Variants in STOX1 observed in about 807,000 individuals in gnomAD.
STOX1 encodes storkhead-box protein 1.
In STOX1, 57 loss-of-function variants were observed where a neutral mutation model predicts 74.8. That is an observed-to-expected ratio of 0.76 (90% confidence interval 0.62 to 0.95). The LOEUF (loss-of-function observed/expected upper bound fraction) is 0.95, where lower values mean the gene tolerates loss of function less well. Among genes scored for constraint, STOX1 ranks in the 40% least tolerant of loss-of-function variants. The pLI, the probability that STOX1 is intolerant of heterozygous loss-of-function variation, is 0.00. For synonymous variants in STOX1, 375 were observed against 401.3 expected, an observed-to-expected ratio of 0.93 and a Z score of 0.78; for missense variants, 1,010 against 1,117.0, an observed-to-expected ratio of 0.90 and a Z score of 1.37.
intron 1 of STOX1, among the ~76,000 whole-genome samples, chr10:68,872,342 CTTTTTTTTTTTTTTTT>C (rs72451894): frequency 1.1e-5 from 1 of 89,326 alleles, no homozygotes; most frequent in East Asian, 3.5e-4. Flanking sequence ...TTTTTCTTTT[CTTTTTTTTTTTTTTTT>C]TTTTGAGACA....
At chr10:68,865,122 A>T (rs377740505) in intron 1 of STOX1, among the ~76,000 whole-genome samples, 114 of 146,066 alleles carry the variant, frequency 7.8e-4, no homozygotes, top group African/African-American at 2.7e-3. Context: ...TATCATCCAT[A>T]TAATGAATAA....
At position 68,873,657 on chromosome 10, in the gene STOX1, T is replaced by TC. The variant is rs1479662730; in HGVS notation, c.311-8301_311-8300insC. On this transcript the variant is annotated intron_variant, in intron 1 of 3. Transcript: ENST00000298596. ...CTTCTTCTTCTTTTTTTTTCTTTTT[T>TC]TTTTTTTTCTTTTTTTTGAGACGGA... Among the ~76,000 whole-genome samples, 37 of 137,384 alleles carry TC rather than the reference T, an allele frequency of 2.7e-4. 1 individual carries two copies. Among genetic ancestry groups the TC allele is most frequent in the Non-Finnish European group, 7.8e-5 (5 of 63,796 alleles). The allele number at this position is 137,384 out of a possible 152,430, so 90.1% of individuals were successfully genotyped here.
chr10:68,862,814 A>T (rs192645406), intron 1 of STOX1, among the ~76,000 whole-genome samples: 4 of 152,234 alleles, frequency 2.6e-5, no homozygotes, highest in African/African-American at 9.6e-5. Context: ...ATCGTTGTGC[A>T]GCACCTCTGC....
intron 1 of STOX1, among the ~76,000 whole-genome samples, chr10:68,858,623 A>G (rs531091987): frequency 6.6e-6 from 1 of 152,124 alleles, no homozygotes; most frequent in Non-Finnish European, 1.5e-5. Context: ...GACCTGAAAG[A>G]CACTATTAAT....
chr10:68,873,887 G>C (rs1279203434), intron 1 of STOX1, among the ~76,000 whole-genome samples: 1 of 150,542 alleles, frequency 6.6e-6, no homozygotes, highest in Non-Finnish European at 1.5e-5. Context: ...CTGACCTCGT[G>C]ATCCACCCGC....
chr10:68,883,099 C>T (rs1468207967), intron 2 of STOX1, among the ~76,000 whole-genome samples: 5 of 151,256 alleles, frequency 3.3e-5, no homozygotes, highest in Non-Finnish European at 5.9e-5. Context: ...GCATCTGGGC[C>T]GGGTGTGGTG....
chr10:68,828,273 A>T, intron 1 of STOX1: 10 of 1,122,918 alleles, frequency 8.9e-6, no homozygotes, highest in Middle Eastern at 3.7e-4. Flanking sequence ...GCGGTGGGTG[A>T]GTGCGGGACC....
At chr10:68,852,249 CTTTT>C (rs34908700) in intron 1 of STOX1, among the ~76,000 whole-genome samples, 1 of 118,980 alleles carries the variant, frequency 8.4e-6, no homozygotes, top group Non-Finnish European at 1.7e-5. Context: ...TCTCTTACTG[CTTTT>C]TTTTTTTTTT....
At position 68,881,942 on chromosome 10, in the gene STOX1, T is replaced by A. The variant is rs774838377; in HGVS notation, c.311-16T>A. 2.6e-5 allele frequency: 42 copies of A among 1,613,534 alleles called. No homozygotes were observed. The highest frequency in any genetic ancestry group is 8.9e-5 in the East Asian group (4 of 44,796). On this transcript the variant is annotated splice_polypyrimidine_tract_variant and intron_variant, in intron 1 of 3. Transcript: ENST00000298596. Reference sequence around the variant, plus strand: ...TTATCAACCCCCTCCCCCTTTTTTTTAAATCTCCAATTTAGGTGATGTCTT... The same window carrying A: ...TTATCAACCCCCTCCCCCTTTTTTTAAAATCTCCAATTTAGGTGATGTCTT...
chr10:68,884,985 A>G lies in STOX1; in HGVS notation c.1189A>G (p.Thr397Ala), dbSNP rs1437424416. The G allele has an allele frequency of 6.2e-7, 1 of 1,614,214 alleles. No individual in the cohort carries two copies. Among genetic ancestry groups the G allele is most frequent in the Non-Finnish European group, 8.5e-7 (1 of 1,180,044 alleles). The change falls in exon 3 of 4, where the codon ACT becomes GCT. Residue 397 changes from threonine to alanine, a missense_variant. Coordinates refer to ENST00000298596, the MANE Select transcript of STOX1 (RefSeq NM_152709.5). ...AAAATATAATAGCCAGGGCACTTCC[A>G]CTGACATGCTGACAATCGGGCATAA... ...QKKYNSQGTS[T>A]DMLTIGHKYP...
chr10:68,881,906 C>G, intron 1 of STOX1, 52 bp from the exon 2 acceptor site: 1 of 1,600,852 alleles, frequency 6.2e-7, no homozygotes, highest in Non-Finnish European at 8.6e-7. Context: ...ACATTTTATA[C>G]TATATCAAAT....
At chr10:68,855,575 C>A (rs1840102226) in intron 1 of STOX1, among the ~76,000 whole-genome samples, 1 of 151,774 alleles carries the variant, frequency 6.6e-6, no homozygotes. Context: ...TAGCTGGGAC[C>A]TCAGATGTAC....
chr10:68,888,961 T>C (rs1841035605), intron 3 of STOX1, among the ~76,000 whole-genome samples: 1 of 150,660 alleles, frequency 6.6e-6, no homozygotes, highest in Non-Finnish European at 1.5e-5. Flanking sequence ...CCCTACACTT[T>C]TTTCTATGCA....
At chr10:68,877,383 G>A (rs571231027) in intron 1 of STOX1, among the ~76,000 whole-genome samples, 98 of 152,248 alleles carry the variant, frequency 6.4e-4, no homozygotes, top group Middle Eastern at 3.4e-3. Context: ...TAAGAAAAAA[G>A]TTGTGTTTCA....
At chr10:68,879,496 C>T (rs1840757862) in intron 1 of STOX1, among the ~76,000 whole-genome samples, 5 of 152,118 alleles carry the variant, frequency 3.3e-5, no homozygotes, top group Admixed American at 3.3e-4. Flanking sequence ...TTCCCTTTCC[C>T]CTTCTTTGGG....
At chr10:68,851,676 A>G (rs1427713902) in intron 1 of STOX1, among the ~76,000 whole-genome samples, 2 of 152,086 alleles carry the variant, frequency 1.3e-5, no homozygotes, top group African/African-American at 4.8e-5. Context: ...CCCTGTCTCT[A>G]TTAAAAATAC....
At chr10:68,847,438 A>G (rs1439839613) in intron 1 of STOX1, among the ~76,000 whole-genome samples, 1 of 110,512 alleles carries the variant, frequency 9.0e-6, no homozygotes. Flanking sequence ...TTTTCTCGAG[A>G]TCACTGTGTT....
intron 1 of STOX1, among the ~76,000 whole-genome samples, chr10:68,842,536 C>CTT (rs11332701): frequency 1.8e-3 from 128 of 71,916 alleles, no homozygotes; most frequent in African/African-American, 2.2e-3. Context: ...TGTACCATTT[C>CTT]TTTTTTTTTT....
At chr10:68,855,384 G>A (rs1230560956) in intron 1 of STOX1, among the ~76,000 whole-genome samples, 1 of 151,752 alleles carries the variant, frequency 6.6e-6, no homozygotes. Flanking sequence ...GCCTCCCAAA[G>A]TGCTGAGATT....
Sources: allele counts gnomAD v4.1 joint callset (sites outside exome capture counted in the v4.1 genomes callset), GRCh38; gene constraint gnomAD v4.1.1; transcripts MANE v1.5; gene names NCBI Gene and HGNC (gene_info 2026-07-23, HGNC 2026-07-21).